DOCK4: variants seen among roughly 807,000 people sequenced by gnomAD.
The protein encoded by DOCK4 is dedicator of cytokinesis protein 4.
A neutral mutation model predicts 268.1 loss-of-function variants in DOCK4; 97 were observed. The ratio of observed to expected loss-of-function variants is 0.36; its 90% CI spans 0.31 to 0.43. The LOEUF is 0.43. Among genes scored for constraint, DOCK4 ranks in the 20% least tolerant of loss-of-function variants. The pLI is 1.00. For synonymous variants in DOCK4, 954 were observed against 887.2 expected, an observed-to-expected ratio of 1.08 and a Z score of -1.34; for missense variants, 2,145 against 2,455.7, an observed-to-expected ratio of 0.87 and a Z score of 2.67.
chr7:112,020,490 G>A (rs921677748), intron 1 of DOCK4, among the ~76,000 whole-genome samples: 1 of 151,936 alleles, frequency 6.6e-6, no homozygotes, highest in Non-Finnish European at 1.5e-5. Context: ...GACTGGTCTC[G>A]TGAAAAACCA....
chr7:112,170,250 A>C (rs1358167688), intron 1 of DOCK4, among the ~76,000 whole-genome samples: 2 of 152,102 alleles, frequency 1.3e-5, no homozygotes, highest in Non-Finnish European at 2.9e-5. Context: ...CAGGAGTTCA[A>C]AATCAGCCTG....
intron 44 of DOCK4, among the ~76,000 whole-genome samples, chr7:111,743,711 G>A (rs1046393967): frequency 6.6e-6 from 1 of 152,192 alleles, no homozygotes; most frequent in African/African-American, 2.4e-5. Flanking sequence ...TGCCTGTCAG[G>A]GGGAGGGACA....
rs866925765 is a variant in DOCK4 at position 112,149,475 on chromosome 7, C to T, written c.37+56627G>A. On this transcript the variant is annotated intron_variant, in intron 1 of 52. Transcript: ENST00000428084. ...TGAGAATACAAGGTCTTCATAAAAT[C>T]GCTGTAGGAAAGAAAGAAATGACTT... Among the ~76,000 whole-genome samples, 5 of 151,110 alleles carry T rather than the reference C, an allele frequency of 3.3e-5. No individual in the cohort carries two copies. In the South Asian group the frequency reaches 8.3e-4, roughly 25 times the overall value.
chr7:112,193,850 T>A (rs1820185407), intron 1 of DOCK4, among the ~76,000 whole-genome samples: 2 of 151,898 alleles, frequency 1.3e-5, no homozygotes, highest in South Asian at 4.1e-4. Flanking sequence ...CAAATCAAGG[T>A]TTGGCAGGAC....
intron 13 of DOCK4, among the ~76,000 whole-genome samples, chr7:111,908,937 G>A (rs1791850894): frequency 6.6e-6 from 1 of 152,140 alleles, no homozygotes; most frequent in African/African-American, 2.4e-5. Flanking sequence ...ATCATTGATG[G>A]GCATTTGGGT....
chr7:112,157,134 A>C (rs1293857483), intron 1 of DOCK4, among the ~76,000 whole-genome samples: 2 of 151,838 alleles, frequency 1.3e-5, no homozygotes, highest in East Asian at 3.9e-4. Context: ...ATTTTTTTTT[A>C]ATTATTCACT....
At chr7:111,779,076 T>TA (rs531970629) in intron 35 of DOCK4, among the ~76,000 whole-genome samples, 11,525 of 136,746 alleles carry the variant, frequency 0.084, 940 homozygotes, top group African/African-American at 0.22. Context: ...TAAAAATCTC[T>TA]AAAAAAAAAA....
rs138085053 is a variant in DOCK4, at chr7:111,853,927, T to C, written c.2474-6801A>G. ...TTTATTCAGTAGCTTTTTGTTGTTG[T>C]TGTTGTTTGGTTTTTTTTTTGCTTT... On this transcript the variant is annotated intron_variant, in intron 23 of 52. Transcript: ENST00000428084. 4.3e-3 allele frequency among the ~76,000 whole-genome samples: 656 copies of C among 151,608 alleles called. 5 individuals are homozygous for C. Among genetic ancestry groups the C allele is most frequent in the Non-Finnish European group, 6.7e-3 (454 of 67,956 alleles).
intron 52 of DOCK4, among the ~76,000 whole-genome samples, chr7:111,731,482 C>G (rs569470324): frequency 6.6e-6 from 1 of 152,128 alleles, no homozygotes; most frequent in Non-Finnish European, 1.5e-5. Flanking sequence ...TCTGGTGCAG[C>G]AGTTCTGAAC....
chr7:112,166,775 T>C (rs1817645352), intron 1 of DOCK4, among the ~76,000 whole-genome samples: 5 of 152,182 alleles, frequency 3.3e-5, no homozygotes, highest in Admixed American at 3.3e-4. Context: ...GTCACTTCTC[T>C]TAGGTGATAA....
chr7:111,896,762 G>A (rs937635022), intron 15 of DOCK4, among the ~76,000 whole-genome samples: 2 of 152,084 alleles, frequency 1.3e-5, no homozygotes, highest in Non-Finnish European at 2.9e-5. Flanking sequence ...ATTGCTCCAG[G>A]CATTTAAGCA....
chr7:111,873,625 C>G (rs1806608392), intron 17 of DOCK4, among the ~76,000 whole-genome samples: 1 of 152,110 alleles, frequency 6.6e-6, no homozygotes, highest in Non-Finnish European at 1.5e-5. Flanking sequence ...GGAACAAAAA[C>G]TCCAAACCCC....
At chr7:111,912,405 A>T (rs1792184070) in intron 13 of DOCK4, among the ~76,000 whole-genome samples, 1 of 152,206 alleles carries the variant, frequency 6.6e-6, no homozygotes, top group African/African-American at 2.4e-5. Flanking sequence ...ATCTGTAGAC[A>T]AAAGGGCAGA....
intron 17 of DOCK4, among the ~76,000 whole-genome samples, chr7:111,876,118 T>C (rs1045077079): frequency 3.5e-4 from 53 of 152,214 alleles, no homozygotes; most frequent in African/African-American, 1.3e-3. Flanking sequence ...TATTGAGTTA[T>C]GCCAATGGAG....
intron 22 of DOCK4, among the ~76,000 whole-genome samples, chr7:111,864,429 G>A (rs1406102882): frequency 1.3e-5 from 2 of 152,150 alleles, no homozygotes; most frequent in African/African-American, 4.8e-5. Flanking sequence ...TACCTAGTCA[G>A]GGAAGGAGGC....
At position 111,726,571 on chromosome 7, in the gene DOCK4, T is replaced by C. The variant is rs903517882; in HGVS notation, c.*1703A>G. 1 of 152,604 alleles carries C rather than the reference T, an allele frequency of 6.6e-6. No homozygotes were observed. Among genetic ancestry groups the C allele is most frequent in the African/African-American group, 2.4e-5 (1 of 41,458 alleles). The allele number at this position is 152,604 out of a possible 1,614,324, so 9.5% of individuals were successfully genotyped here. On this transcript the variant is annotated 3_prime_UTR_variant, in exon 53 of 53. Coordinates refer to ENST00000428084, the MANE Select transcript of DOCK4 (RefSeq NM_001363540.2). ...GCAAGATACAAAGCTAAAATGCATATGTTCCTTTTCTCAATTATGAACACT... is the reference window on the plus strand; with the variant it reads ...GCAAGATACAAAGCTAAAATGCATACGTTCCTTTTCTCAATTATGAACACT...
At chr7:111,839,256 T>C (rs1177701511) in intron 25 of DOCK4, among the ~76,000 whole-genome samples, 1 of 152,190 alleles carries the variant, frequency 6.6e-6, no homozygotes, top group Non-Finnish European at 1.5e-5. Context: ...GGTTCATACT[T>C]TTTTACCTTT....
chr7:111,739,874 T>G, intron 47 of DOCK4: 1 of 312,636 alleles, frequency 3.2e-6, no homozygotes, highest in Non-Finnish European at 6.3e-6. Context: ...ATAAGTGTTA[T>G]GTCTCCTTTC....
intron 22 of DOCK4, among the ~76,000 whole-genome samples, chr7:111,867,240 C>T (rs1345993892): frequency 6.6e-6 from 1 of 152,178 alleles, no homozygotes; most frequent in Non-Finnish European, 1.5e-5. Context: ...CTCCTAATCT[C>T]CCTTTTTATG....
Sources: gnomAD v4.1 joint callset for allele counts (sites outside exome capture counted in the v4.1 genomes callset) on GRCh38, gnomAD v4.1.1 for gene constraint, MANE v1.5 for transcripts, NCBI Gene and HGNC (gene_info 2026-07-23, HGNC 2026-07-21) for gene names.